The following ADGRL3 variants were observed in gnomAD, a reference collection of about 807,000 sequenced individuals.
The protein encoded by ADGRL3 is calcium-independent alpha-latrotoxin receptor 3.
Under a neutral mutation model 153.5 loss-of-function variants are expected in ADGRL3, and 62 were observed. The observed-to-expected ratio is 0.40, with a 90% CI of 0.33 to 0.50. The LOEUF (loss-of-function observed/expected upper bound fraction) is 0.50. Ranked by LOEUF, ADGRL3 falls within the 20% of genes least tolerant of loss-of-function variation. The probability of loss-of-function intolerance (pLI) is 0.47; values close to 1 mark genes in which losing one functional copy is unlikely to be tolerated. For synonymous variants in ADGRL3, 710 were observed against 672.5 expected, an observed-to-expected ratio of 1.06 and a Z score of -0.86; for missense variants, 1,641 against 1,859.4, an observed-to-expected ratio of 0.88 and a Z score of 2.16.
chr4:61,964,270 A>G (rs1202354948), intron 17 of ADGRL3, among the ~76,000 whole-genome samples: 1 of 152,212 alleles, frequency 6.6e-6, no homozygotes, highest in Non-Finnish European at 1.5e-5. Flanking sequence ...AACAAAATCT[A>G]TAAGAATCGT....
At chr4:61,208,421 A>G (rs1738324216) in intron 1 of ADGRL3, among the ~76,000 whole-genome samples, 2 of 152,148 alleles carry the variant, frequency 1.3e-5, no homozygotes, top group Admixed American at 1.3e-4. Context: ...TAATAATAAC[A>G]TAATTGTTTG....
intron 11 of ADGRL3, among the ~76,000 whole-genome samples, chr4:61,901,964 T>G (rs1161007931): frequency 2.0e-5 from 3 of 152,174 alleles, no homozygotes; most frequent in African/African-American, 7.2e-5. Flanking sequence ...AGTGAGGTCT[T>G]TAAGCTATGA....
chr4:61,318,068 T>C (rs1189143462), intron 1 of ADGRL3, among the ~76,000 whole-genome samples: 1 of 151,352 alleles, frequency 6.6e-6, no homozygotes, highest in Non-Finnish European at 1.5e-5. Context: ...TCCCAGCTGC[T>C]TGGGAGCCTG....
chr4:61,598,424 A>C (rs1413402928), intron 5 of ADGRL3, among the ~76,000 whole-genome samples: 1 of 152,226 alleles, frequency 6.6e-6, no homozygotes, highest in Non-Finnish European at 1.5e-5. Flanking sequence ...TACATATGTC[A>C]TAGCTGTAAT....
Position 61,299,681 on chromosome 4 carries a change from C to T in ADGRL3, c.-239-83443C>T, listed in dbSNP as rs574275244. On this transcript the variant is annotated intron_variant, in intron 1 of 26. Coordinates refer to ENST00000683033, the MANE Select transcript of ADGRL3 (RefSeq NM_001387552.1). Reference sequence around the variant, plus strand: ...AAAATAAGACGTTTATGTCACATGACCCAAAGAACTGCTTTCTTTTACTTT... The same window carrying T: ...AAAATAAGACGTTTATGTCACATGATCCAAAGAACTGCTTTCTTTTACTTT... 6.6e-5 allele frequency among the ~76,000 whole-genome samples: 10 copies of T among 152,186 alleles called. No homozygotes were observed. In the South Asian group the frequency reaches 1.9e-3, roughly 28 times the overall value.
rs140779579 is a variant in ADGRL3 at position 61,318,220 on chromosome 4, A to AACAC, written c.-239-64886_-239-64883dup. On this transcript the variant is annotated intron_variant, in intron 1 of 26. Coordinates refer to ENST00000683033, the MANE Select transcript of ADGRL3 (RefSeq NM_001387552.1). ...AAAAAAAAAAAAAAAAAAAACACAA[A>AACAC]ACACACACACACACACACACAAAAG... Among the ~76,000 whole-genome samples, 97 of 145,760 alleles carry AACAC rather than the reference A, an allele frequency of 6.7e-4. 1 individual carries two copies. The highest frequency in any genetic ancestry group is 1.7e-3 in the African/African-American group (65 of 38,430).
chr4:61,986,467 T>C (rs552754786), intron 19 of ADGRL3, among the ~76,000 whole-genome samples: 2 of 152,336 alleles, frequency 1.3e-5, no homozygotes, highest in East Asian at 1.9e-4. Context: ...ATGTAGCCTC[T>C]TGTGGCTTTG....
chr4:61,940,064 A>G (rs1169523813), intron 15 of ADGRL3, among the ~76,000 whole-genome samples: 18 of 114,052 alleles, frequency 1.6e-4, no homozygotes, highest in Middle Eastern at 4.1e-3. Flanking sequence ...ATATCTCCCA[A>G]TGCTATCCCT....
At chr4:61,227,369 C>CT (rs1344309165) in intron 1 of ADGRL3, among the ~76,000 whole-genome samples, 1 of 152,198 alleles carries the variant, frequency 6.6e-6, no homozygotes, top group East Asian at 1.9e-4. Flanking sequence ...CCATGACTGG[C>CT]TAAGTTTTAA....
chr4:61,930,282 G>A (rs1046054457), intron 13 of ADGRL3, among the ~76,000 whole-genome samples: 2 of 151,992 alleles, frequency 1.3e-5, no homozygotes, highest in African/African-American at 4.8e-5. Flanking sequence ...GAGGAAGGGG[G>A]GTAACTAGGT....
At chr4:61,911,069 A>G (rs1277175477) in intron 12 of ADGRL3, among the ~76,000 whole-genome samples, 1 of 152,130 alleles carries the variant, frequency 6.6e-6, no homozygotes, top group Non-Finnish European at 1.5e-5. Context: ...AGCTACCTAT[A>G]TAATCTGGGC....
At chr4:61,429,896 G>A (rs1490932988) in intron 2 of ADGRL3, among the ~76,000 whole-genome samples, 1 of 152,042 alleles carries the variant, frequency 6.6e-6, no homozygotes, top group Non-Finnish European at 1.5e-5. Flanking sequence ...TAATAAAATA[G>A]GTATTTATGG....
chr4:61,891,964 A>G lies in ADGRL3; in HGVS notation c.1481-692A>G, dbSNP rs1176701761. On this transcript the variant is annotated intron_variant, in intron 9 of 26. Coordinates refer to ENST00000683033, the MANE Select transcript of ADGRL3 (RefSeq NM_001387552.1). ...TTTGGAACTTGGAATACATTTTCCC[A>G]TTCAAACAATCTTGTTAGAGGATAA... 2.0e-5 allele frequency among the ~76,000 whole-genome samples: 3 copies of G among 152,226 alleles called. No homozygotes were observed. The South Asian group carries it at 6.2e-4, about 31-fold the overall frequency.
At chr4:61,498,474 C>T (rs1264962107) in intron 3 of ADGRL3, among the ~76,000 whole-genome samples, 1 of 151,868 alleles carries the variant, frequency 6.6e-6, no homozygotes, top group African/African-American at 2.4e-5. Flanking sequence ...GGCGTAAACC[C>T]GGGAGGCAAA....
At chr4:61,721,474 A>T (rs2096243158) in intron 6 of ADGRL3, among the ~76,000 whole-genome samples, 1 of 152,186 alleles carries the variant, frequency 6.6e-6, no homozygotes, top group African/African-American at 2.4e-5. Context: ...TGCTCTTTCC[A>T]ACTTCTGCCT....
At chr4:61,970,813 A>G (rs1283522065) in intron 17 of ADGRL3, among the ~76,000 whole-genome samples, 2 of 152,130 alleles carry the variant, frequency 1.3e-5, no homozygotes, top group Non-Finnish European at 2.9e-5. Context: ...CTGCAAAGGA[A>G]ATCCTAATTT....
chr4:61,562,456 T>C (rs1467263671), intron 4 of ADGRL3, among the ~76,000 whole-genome samples: 3 of 152,230 alleles, frequency 2.0e-5, no homozygotes, highest in Non-Finnish European at 1.5e-5. Flanking sequence ...TCTTTCAAAA[T>C]TGAAGTCAGT....
intron 2 of ADGRL3, among the ~76,000 whole-genome samples, chr4:61,454,473 T>C (rs547889592): frequency 6.6e-6 from 1 of 152,234 alleles, no homozygotes; most frequent in Non-Finnish European, 1.5e-5. Flanking sequence ...CAAATAAGAC[T>C]TTTTTGGTGA....
At chr4:61,570,798 C>G (rs1214137041) in intron 4 of ADGRL3, among the ~76,000 whole-genome samples, 1 of 152,162 alleles carries the variant, frequency 6.6e-6, no homozygotes, top group African/African-American at 2.4e-5. Flanking sequence ...TCAACATAAT[C>G]TAACACATAT....
Sources: allele counts gnomAD v4.1 joint callset (sites outside exome capture counted in the v4.1 genomes callset), GRCh38; gene constraint gnomAD v4.1.1; transcripts MANE v1.5; gene names NCBI Gene and HGNC (gene_info 2026-07-23, HGNC 2026-07-21).